Variants in SPOCK1 observed in about 807,000 individuals in gnomAD.
The protein encoded by SPOCK1 is SPARC (osteonectin), cwcv and kazal like domains proteoglycan 1.
Under a neutral mutation model 55.3 loss-of-function variants are expected in SPOCK1, and 23 were observed. That is an observed-to-expected ratio of 0.42 (90% CI 0.30 to 0.59). The LOEUF (loss-of-function observed/expected upper bound fraction) is 0.59, where lower values mean the gene tolerates loss of function less well. SPOCK1 is among the 20% of genes least tolerant of loss of function. SPOCK1 has a pLI of 0.22. For missense variants in SPOCK1, 499 were observed against 552.5 expected (o/e 0.90, Z 0.97); for synonymous variants, 226 against 221.0 (o/e 1.02, Z -0.20).
At chr5:137,306,396 G>A (rs1757701637) in intron 2 of SPOCK1, among the ~76,000 whole-genome samples, 1 of 152,198 alleles carries the variant, frequency 6.6e-6, no homozygotes, top group Non-Finnish European at 1.5e-5. Flanking sequence ...ATCTCTGGGT[G>A]GGAGTCACAT....
At chr5:137,427,500 G>A (rs756898253) in intron 2 of SPOCK1, among the ~76,000 whole-genome samples, 2 of 152,136 alleles carry the variant, frequency 1.3e-5, no homozygotes, top group Non-Finnish European at 2.9e-5. Context: ...TCTCACAAAG[G>A]TGCATCCAGA....
At chr5:137,075,086 G>A (rs578069199) in intron 5 of SPOCK1, among the ~76,000 whole-genome samples, 143 of 152,120 alleles carry the variant, frequency 9.4e-4, no homozygotes, top group African/African-American at 3.3e-3. Context: ...AGATCTGCCC[G>A]CCTCATCCTC....
At chr5:136,979,907 C>G (rs979736154) in intron 9 of SPOCK1, among the ~76,000 whole-genome samples, 3 of 152,086 alleles carry the variant, frequency 2.0e-5, no homozygotes, top group African/African-American at 7.2e-5. Context: ...CCAGCATTAC[C>G]AATACTTTGC....
chr5:137,420,633 A>G (rs1331907656), intron 2 of SPOCK1, among the ~76,000 whole-genome samples: 2 of 152,142 alleles, frequency 1.3e-5, no homozygotes, highest in African/African-American at 4.8e-5. Flanking sequence ...CTGTGGGATC[A>G]GTCGTGATAT....
chr5:137,469,561 T>C (rs1296836484), intron 2 of SPOCK1, among the ~76,000 whole-genome samples: 1 of 152,210 alleles, frequency 6.6e-6, no homozygotes, highest in African/African-American at 2.4e-5. Context: ...AATAGGTTTC[T>C]TTAACTATAG....
intron 2 of SPOCK1, among the ~76,000 whole-genome samples, chr5:137,432,514 T>C (rs1451460205): frequency 1.3e-5 from 2 of 152,160 alleles, no homozygotes; most frequent in African/African-American, 4.8e-5. Context: ...CAAAGACAGA[T>C]GCTGTTAGGA....
At chr5:137,190,308 T>C (rs555924749) in intron 3 of SPOCK1, among the ~76,000 whole-genome samples, 2 of 152,298 alleles carry the variant, frequency 1.3e-5, no homozygotes, top group South Asian at 2.1e-4. Flanking sequence ...TTCATTGTTG[T>C]ATTATTTTTA....
intron 2 of SPOCK1, among the ~76,000 whole-genome samples, chr5:137,423,987 T>A (rs562637552): frequency 2.9e-5 from 1 of 34,270 alleles, no homozygotes; most frequent in African/African-American, 4.3e-5. Flanking sequence ...GAGTGAAGAT[T>A]CATTTTTTTT....
At chr5:137,217,785 C>A (rs1427817624) in intron 3 of SPOCK1, among the ~76,000 whole-genome samples, 1 of 152,170 alleles carries the variant, frequency 6.6e-6, no homozygotes, top group Non-Finnish European at 1.5e-5. Flanking sequence ...CTACAACACT[C>A]TCCTTTTACT....
chr5:137,442,847 G>A (rs1446422427), intron 2 of SPOCK1, among the ~76,000 whole-genome samples: 1 of 152,194 alleles, frequency 6.6e-6, no homozygotes, highest in Non-Finnish European at 1.5e-5. Flanking sequence ...TAAATTCCTG[G>A]CATTGTTTTT....
intron 5 of SPOCK1, among the ~76,000 whole-genome samples, chr5:137,109,811 G>A (rs960726218): frequency 1.7e-4 from 26 of 152,004 alleles, no homozygotes; most frequent in Admixed American, 1.4e-3. Context: ...ACACCTTCCC[G>A]GATCACCATT....
intron 3 of SPOCK1, among the ~76,000 whole-genome samples, chr5:137,159,123 A>G (rs1360945646): frequency 6.6e-6 from 1 of 152,172 alleles, no homozygotes; most frequent in Non-Finnish European, 1.5e-5. Flanking sequence ...CAAAGAGCCC[A>G]CCCATAGGTC....
chr5:137,365,800 A>G (rs953800412), intron 2 of SPOCK1, among the ~76,000 whole-genome samples: 4 of 152,230 alleles, frequency 2.6e-5, no homozygotes, highest in Non-Finnish European at 5.9e-5. Flanking sequence ...AAAAGTTACT[A>G]TATTTTTAAC....
At chr5:137,086,750 T>C (rs1010225634) in intron 5 of SPOCK1, among the ~76,000 whole-genome samples, 3 of 152,204 alleles carry the variant, frequency 2.0e-5, no homozygotes, top group African/African-American at 4.8e-5. Flanking sequence ...TAATTCCTGA[T>C]CCCAGAAAGT....
At chr5:137,408,889 C>T (rs914707695) in intron 2 of SPOCK1, among the ~76,000 whole-genome samples, 3 of 151,946 alleles carry the variant, frequency 2.0e-5, no homozygotes, top group Non-Finnish European at 2.9e-5. Flanking sequence ...TTTCCTCAAC[C>T]AAAAAAATGG....
At chr5:137,333,969 T>C (rs1166820134) in intron 2 of SPOCK1, among the ~76,000 whole-genome samples, 1 of 152,186 alleles carries the variant, frequency 6.6e-6, no homozygotes, top group Non-Finnish European at 1.5e-5. Flanking sequence ...TGCATCACTG[T>C]GAACATGAAG....
chr5:137,266,972 AC>A, intron 3 of SPOCK1, 37 bp downstream of exon 3: 1 of 1,581,458 alleles, frequency 6.3e-7, no homozygotes, highest in Non-Finnish European at 8.7e-7. Flanking sequence ...GACCACATTT[AC>A]CACAGACTAT....
intron 3 of SPOCK1, among the ~76,000 whole-genome samples, chr5:137,191,618 C>T (rs1333153244): frequency 6.6e-6 from 1 of 152,214 alleles, no homozygotes; most frequent in African/African-American, 2.4e-5. Flanking sequence ...ATCAATCATA[C>T]TTTCCAAATT....
At chr5:137,250,475 T>A (rs1394246162) in intron 3 of SPOCK1, among the ~76,000 whole-genome samples, 1 of 152,220 alleles carries the variant, frequency 6.6e-6, no homozygotes, top group Admixed American at 6.5e-5. Context: ...CATTTTAACA[T>A]TGAAATCAGG....
Sources: allele counts gnomAD v4.1 joint callset (sites outside exome capture counted in the v4.1 genomes callset), GRCh38; gene constraint gnomAD v4.1.1; transcripts MANE v1.5; gene names NCBI Gene and HGNC (gene_info 2026-07-23, HGNC 2026-07-21).